The following ODR4 variants were observed in gnomAD, a reference collection of about 807,000 sequenced individuals.
ODR4 encodes the protein odr-4 GPCR localization factor homolog.
Under a neutral mutation model 60.2 loss-of-function variants are expected in ODR4, and 47 were observed. The observed-to-expected ratio is 0.78, with a 90% CI of 0.62 to 1.00. The LOEUF (loss-of-function observed/expected upper bound fraction) is 1.00, where lower values mean the gene tolerates loss of function less well. Among genes scored for constraint, ODR4 ranks in the 50% least tolerant of loss-of-function variants. ODR4 has a pLI of 0.00. For missense variants in ODR4, 488 were observed against 530.8 expected, an observed-to-expected ratio of 0.92 and a Z score of 0.79; for synonymous variants, 178 against 175.5, an observed-to-expected ratio of 1.01 and a Z score of -0.11.
the ODR4 span, among the ~76,000 whole-genome samples, chr1:186,428,424 T>G: frequency 6.6e-6 from 1 of 152,186 alleles, no homozygotes; most frequent in Non-Finnish European, 1.5e-5. Flanking sequence ...TTGAAGAGAG[T>G]TAGGGCCTTG....
intron 12 of ODR4, among the ~76,000 whole-genome samples, chr1:186,407,946 A>C (rs747291803): frequency 1.6e-4 from 25 of 152,140 alleles, no homozygotes; most frequent in Admixed American, 7.2e-4. Context: ...TATCGCTTTC[A>C]AAGAGTTTAA....
chr1:186,402,708 C>G (rs1331796304), intron 11 of ODR4, among the ~76,000 whole-genome samples: 2 of 152,102 alleles, frequency 1.3e-5, no homozygotes, highest in African/African-American at 2.4e-5. Context: ...CTCCCTCAGC[C>G]TCCCAGGTAG....
At chr1:186,426,904 C>G in the ODR4 span, among the ~76,000 whole-genome samples, 5 of 152,010 alleles carry the variant, frequency 3.3e-5, no homozygotes, top group Admixed American at 3.3e-4. Flanking sequence ...ATACTGTAGT[C>G]TAGTAAGTGC....
chr1:186,389,723 T>A, intron 6 of ODR4, 99 bp downstream of exon 6: 1 of 756,582 alleles, frequency 1.3e-6, no homozygotes, highest in Non-Finnish European at 2.1e-6. Flanking sequence ...TGCCATCACT[T>A]CCTATTGATG....
At chr1:186,423,070 A>G (rs796917954), downstream of ODR4, among the ~76,000 whole-genome samples, 5 of 152,320 alleles carry the variant, frequency 3.3e-5, no homozygotes, top group African/African-American at 1.2e-4. Context: ...ATTTACTTAA[A>G]TTGGCTCAGG....
chr1:186,392,863 G>A (rs1002527523), intron 8 of ODR4, among the ~76,000 whole-genome samples: 3 of 152,074 alleles, frequency 2.0e-5, no homozygotes, highest in Non-Finnish European at 4.4e-5. Context: ...AATTAGCCGG[G>A]TGTGGTGGCA....
chr1:186,382,424 CTAAA>C (rs1051757125), intron 2 of ODR4, among the ~76,000 whole-genome samples: 1 of 151,460 alleles, frequency 6.6e-6, no homozygotes, highest in Non-Finnish European at 1.5e-5. Context: ...GACCCTGTCT[CTAAA>C]TAAATAAATA....
At chr1:186,389,498 G>A (rs893585660) in intron 5 of ODR4, 90 bp from the exon 6 acceptor site, 75 of 982,238 alleles carry the variant, frequency 7.6e-5, no homozygotes, top group African/African-American at 1.2e-4. Flanking sequence ...TTTTGGATGC[G>A]TGCATTTTTT....
At chr1:186,387,126 C>T (rs75620300) in intron 4 of ODR4, among the ~76,000 whole-genome samples, 6,869 of 152,110 alleles carry the variant, frequency 0.045, 502 homozygotes, top group African/African-American at 0.16. Context: ...AAAAAATATA[C>T]AGCTGAGAAC....
chr1:186,419,003 T>G lies in ODR4; in HGVS notation c.1298-6T>G. 6.2e-7 allele frequency: 1 copy of G among 1,601,952 alleles called. No individual in the cohort carries two copies. Among genetic ancestry groups the G allele is most frequent in the Non-Finnish European group, 8.5e-7 (1 of 1,173,458 alleles). On this transcript the variant is annotated splice_polypyrimidine_tract_variant and splice_region_variant and intron_variant, in intron 13 of 13. Coordinates refer to ENST00000287859, the MANE Select transcript of ODR4 (RefSeq NM_017847.6). ...TTCATTTGTTCTGTGTTTGTTTTAC[T>G]TTTAGGTGTGATTGCAGCATTTACA... is the stretch of plus-strand genomic sequence containing the variant.
At chr1:186,379,440 T>C (rs2102010614) in intron 1 of ODR4, among the ~76,000 whole-genome samples, 1 of 127,654 alleles carries the variant, frequency 7.8e-6, no homozygotes, top group East Asian at 2.2e-4. Flanking sequence ...CAAAACTCCG[T>C]CTCAAAAAAA....
intron 1 of ODR4, among the ~76,000 whole-genome samples, chr1:186,377,608 C>G (rs1054434621): frequency 1.9e-4 from 29 of 152,278 alleles, no homozygotes; most frequent in African/African-American, 6.3e-4. Flanking sequence ...AAAGTAGATA[C>G]ATAGAATTGC....
downstream of ODR4, among the ~76,000 whole-genome samples, chr1:186,426,043 T>C (rs1661875171): frequency 6.6e-6 from 1 of 152,208 alleles, no homozygotes; most frequent in African/African-American, 2.4e-5. Flanking sequence ...GTTTTCCCTT[T>C]AGCAATTGCC....
Position 186,417,561 on chromosome 1 carries a change from A to G in ODR4, c.1204A>G (p.Met402Val), listed in dbSNP as rs748222073. Residue 402 changes from methionine to valine, a missense_variant, in exon 13 of 14, where the codon ATG becomes GTG. Met to Val is a conservative substitution (Grantham distance 21, BLOSUM62 1). Transcript: ENST00000287859. ...CCTTTCAGCTTGTATGAGTTCTTCTATGAATAGTCAAGCTTCATTGGACAA... is the reference window on the plus strand; with the variant it reads ...CCTTTCAGCTTGTATGAGTTCTTCTGTGAATAGTCAAGCTTCATTGGACAA... ...ETNTACMSSSMNSQASLDNTD... is the reference protein window; with the variant it reads ...ETNTACMSSSVNSQASLDNTD... The G allele has an allele frequency of 6.3e-7, 1 of 1,587,746 alleles. No individual in the cohort carries two copies. Among genetic ancestry groups the G allele is most frequent in the Non-Finnish European group, 8.6e-7 (1 of 1,162,704 alleles).
the ODR4 span, among the ~76,000 whole-genome samples, chr1:186,429,600 C>A: frequency 6.6e-6 from 1 of 152,122 alleles, no homozygotes; most frequent in African/African-American, 2.4e-5. Flanking sequence ...CTCTTTTTCA[C>A]TGTGACAATT....
At position 186,419,293 on chromosome 1, in the gene ODR4, T is replaced by G. The variant is rs765495444; in HGVS notation, c.*217T>G. 2 of 551,474 alleles carry G rather than the reference T, an allele frequency of 3.6e-6. No homozygotes were observed. The highest frequency in any genetic ancestry group is 3.8e-5 in the African/African-American group (2 of 53,032). The allele number at this position is 551,474 out of a possible 1,614,324, so 34.2% of individuals were successfully genotyped here. On this transcript the variant is annotated 3_prime_UTR_variant, in exon 14 of 14. Coordinates refer to ENST00000287859, the MANE Select transcript of ODR4 (RefSeq NM_017847.6). ...GCCCGCATTTCCAGAAATAACGTTA[T>G]GCATCTAGATGGAAGCTGCATGTAA...
chr1:186,422,815 A>G (rs1214595980), downstream of ODR4, among the ~76,000 whole-genome samples: 1 of 152,262 alleles, frequency 6.6e-6, no homozygotes, highest in African/African-American at 2.4e-5. Flanking sequence ...GCAATGTAGA[A>G]GCAAGGAAAT....
At chr1:186,407,845 G>A (rs1226646432) in intron 12 of ODR4, among the ~76,000 whole-genome samples, 3 of 152,016 alleles carry the variant, frequency 2.0e-5, no homozygotes, top group African/African-American at 7.2e-5. Context: ...AACCTGTGGG[G>A]TTCAAAACCT....
chr1:186,434,394 T>A, the ODR4 span, among the ~76,000 whole-genome samples: 1 of 152,128 alleles, frequency 6.6e-6, no homozygotes, highest in African/African-American at 2.4e-5. Flanking sequence ...TTGAAATCAT[T>A]TATGGTTTTT....
Sources: allele counts gnomAD v4.1 joint callset (sites outside exome capture counted in the v4.1 genomes callset), GRCh38; gene constraint gnomAD v4.1.1; transcripts MANE v1.5; gene names NCBI Gene and HGNC (gene_info 2026-07-23, HGNC 2026-07-21).